The following TBXAS1 variants were observed in gnomAD, a reference collection of about 807,000 sequenced individuals.
The protein encoded by TBXAS1 is thromboxane-A synthase.
A neutral mutation model predicts 60.7 loss-of-function variants in TBXAS1; 48 were observed. That is an observed-to-expected ratio of 0.79 (90% CI 0.63 to 1.01). The LOEUF (loss-of-function observed/expected upper bound fraction) is 1.01, where lower values mean the gene tolerates loss of function less well. Among genes scored for constraint, TBXAS1 ranks in the 50% least tolerant of loss-of-function variants. The probability of loss-of-function intolerance (pLI) is 0.00; values close to 1 mark genes in which losing one functional copy is unlikely to be tolerated. For missense variants in TBXAS1, 685 were observed against 686.3 expected (o/e 1.00, Z 0.02); for synonymous variants, 287 against 269.7 (o/e 1.06, Z -0.63).
At chr7:139,814,949 G>T (rs955910203) in intron 4 of TBXAS1, among the ~76,000 whole-genome samples, 7 of 152,184 alleles carry the variant, frequency 4.6e-5, no homozygotes, top group Admixed American at 1.3e-4. Flanking sequence ...CCTAGCACCT[G>T]TCTCTGTGCC....
chr7:139,935,327 C>T (rs1237617976), intron 4 of TBXAS1, among the ~76,000 whole-genome samples: 7 of 152,222 alleles, frequency 4.6e-5, no homozygotes, highest in Admixed American at 4.6e-4. Flanking sequence ...CATACAATGC[C>T]TACACATCAC....
intron 9 of TBXAS1, among the ~76,000 whole-genome samples, chr7:139,970,849 T>C (rs1180121096): frequency 3.9e-5 from 6 of 152,122 alleles, no homozygotes. Flanking sequence ...TCAGGACATG[T>C]GTGTAGACTG....
chr7:139,812,460 C>G (rs967649263), intron 4 of TBXAS1, among the ~76,000 whole-genome samples: 6 of 152,144 alleles, frequency 3.9e-5, no homozygotes, highest in African/African-American at 1.4e-4. Flanking sequence ...TTTGGAAGTT[C>G]AGACAAACAT....
chr7:139,779,060 C>G (rs1248455823), intron 1 of TBXAS1, among the ~76,000 whole-genome samples: 1 of 152,072 alleles, frequency 6.6e-6, no homozygotes, highest in Non-Finnish European at 1.5e-5. Context: ...GTTTCATAAA[C>G]CTTTTGTTTC....
intron 2 of TBXAS1, among the ~76,000 whole-genome samples, chr7:139,874,535 C>G (rs962109637): frequency 6.6e-6 from 1 of 152,192 alleles, no homozygotes; most frequent in Non-Finnish European, 1.5e-5. Flanking sequence ...ATATGGCAAG[C>G]TTACGCTGCA....
chr7:139,936,716 T>C (rs1807822261), intron 5 of TBXAS1, among the ~76,000 whole-genome samples: 1 of 152,148 alleles, frequency 6.6e-6, no homozygotes, highest in Non-Finnish European at 1.5e-5. Context: ...GAATCTGCAT[T>C]TATAACACCC....
At chr7:140,015,591 C>T in intron 10 of TBXAS1, 132 bp from the exon 11 acceptor site, 1 of 1,090,432 alleles carries the variant, frequency 9.2e-7, no homozygotes, top group South Asian at 1.3e-5. Flanking sequence ...TCCTCTGTCC[C>T]CAGCCTCATT....
At chr7:139,995,906 C>G (rs929242282) in intron 9 of TBXAS1, among the ~76,000 whole-genome samples, 1 of 152,182 alleles carries the variant, frequency 6.6e-6, no homozygotes, top group Non-Finnish European at 1.5e-5. Context: ...CTCGCTCCCT[C>G]TCATTCATCC....
rs1354476367 is a variant in TBXAS1 at position 140,012,407 on chromosome 7, C to T, written c.1227-3316C>T. 4.6e-5 allele frequency among the ~76,000 whole-genome samples: 7 copies of T among 151,598 alleles called. No homozygotes were observed. The East Asian group carries it at 7.7e-4, about 17-fold the overall frequency. On this transcript the variant is annotated intron_variant, in intron 10 of 12. Coordinates refer to ENST00000448866, the MANE Select transcript of TBXAS1 (RefSeq NM_001061.7). ...GAAGCTGGGGCTGTAATTCTGCCCT[C>T]GTCCTAAAAGGCTCTATCTCATCCT...
intron 4 of TBXAS1, among the ~76,000 whole-genome samples, chr7:139,793,708 CAT>C (rs1488235594): frequency 6.6e-6 from 1 of 152,184 alleles, no homozygotes; most frequent in African/African-American, 2.4e-5. Context: ...GAAAAGGAAA[CAT>C]ATTTCATATG....
In TBXAS1 at chr7:139,915,927, T is replaced by C. The variant is rs142241305; in HGVS notation, c.333+4606T>C. 3.5e-3 allele frequency among the ~76,000 whole-genome samples: 527 copies of C among 152,346 alleles called. 5 individuals are homozygous for C. The highest frequency in any genetic ancestry group is 0.012 in the African/African-American group (509 of 41,578). ...TGCTTCATCTTGCTCATTTTCCACG[T>C]GGACCTTGTAGGTCTCTATCAATGT... On this transcript the variant is annotated intron_variant, in intron 4 of 12. Coordinates refer to ENST00000448866, the MANE Select transcript of TBXAS1 (RefSeq NM_001061.7).
intron 4 of TBXAS1, among the ~76,000 whole-genome samples, chr7:139,819,584 C>G (rs1303327727): frequency 1.3e-5 from 2 of 152,156 alleles, no homozygotes; most frequent in South Asian, 4.1e-4. Context: ...CTCACTGCAA[C>G]CTCCGCCTCC....
At chr7:139,855,598 C>T (rs1310293169) in intron 1 of TBXAS1, among the ~76,000 whole-genome samples, 1 of 152,146 alleles carries the variant, frequency 6.6e-6, no homozygotes, top group Non-Finnish European at 1.5e-5. Context: ...CAGCTGGCTT[C>T]TGAGCTGCAG....
chr7:139,787,118 A>G (rs2117236076), intron 3 of TBXAS1, among the ~76,000 whole-genome samples: 1 of 152,370 alleles, frequency 6.6e-6, no homozygotes, highest in Admixed American at 6.5e-5. Context: ...TCTTTTAAAA[A>G]TAATTCAACA....
At chr7:139,832,530 C>T (rs1364917240) in intron 1 of TBXAS1, among the ~76,000 whole-genome samples, 2 of 152,146 alleles carry the variant, frequency 1.3e-5, no homozygotes, top group Non-Finnish European at 2.9e-5. Flanking sequence ...GCTTGCAAAA[C>T]ATATTTGGGG....
rs1367732892 is a variant in TBXAS1 at position 139,953,659 on chromosome 7, C to A, written c.539+203C>A. 2.7e-5 allele frequency: 15 copies of A among 555,136 alleles called. No individual in the cohort carries two copies. The East Asian group carries it at 5.0e-4, about 19-fold the overall frequency. 34.4% of individuals were successfully genotyped at this position (555,136 alleles called of 1,614,324 possible). A position where few individuals can be genotyped will look rare whatever the true frequency, so the allele number is the denominator to read the frequency against. On this transcript the variant is annotated intron_variant, in intron 6 of 12. Coordinates refer to ENST00000448866, the MANE Select transcript of TBXAS1 (RefSeq NM_001061.7). ...GATGTGAGCAGAGCCAGGGTACGTG[C>A]GTCCTGTCGAACCTGTGGATGGATC...
At chr7:139,839,233 T>C (rs1343419539) in intron 1 of TBXAS1, among the ~76,000 whole-genome samples, 1 of 152,194 alleles carries the variant, frequency 6.6e-6, no homozygotes, top group Non-Finnish European at 1.5e-5. Context: ...TGTATTTCTT[T>C]AATGAGTGTG....
In TBXAS1 at chr7:139,970,242, G is replaced by A. The variant is rs1032682746; in HGVS notation, c.1134+8009G>A. Among the ~76,000 whole-genome samples the A allele has an allele frequency of 2.0e-5, 3 of 152,216 alleles. No homozygotes were observed. In the East Asian group the frequency reaches 5.8e-4, roughly 29 times the overall value. ...CTGCCTCAGCCTCTCGAGTAGCTGG[G>A]ATTACAGGCTCACGCCACCATGCCC... On this transcript the variant is annotated intron_variant, in intron 9 of 12. Transcript: ENST00000448866.
At chr7:139,965,563 T>C (rs1170011437) in intron 9 of TBXAS1, among the ~76,000 whole-genome samples, 1 of 152,162 alleles carries the variant, frequency 6.6e-6, no homozygotes, top group African/African-American at 2.4e-5. Context: ...TTTCCAGTGA[T>C]TCTGATGCAG....
Sources: allele counts gnomAD v4.1 joint callset (sites outside exome capture counted in the v4.1 genomes callset), GRCh38; gene constraint gnomAD v4.1.1; transcripts MANE v1.5; gene names NCBI Gene and HGNC (gene_info 2026-07-23, HGNC 2026-07-21).